The following ARK2C variants were observed in gnomAD, a reference collection of about 807,000 sequenced individuals.
ARK2C encodes the protein arkadia (RNF111) C-terminal like ring finger ubiquitin ligase 2C.
At chr18:46,415,540 A>C in the ARK2C span, among the ~76,000 whole-genome samples, 2 of 151,904 alleles carry the variant, frequency 1.3e-5, no homozygotes, top group African/African-American at 4.8e-5. Flanking sequence ...AAAATAAAAA[A>C]AATAAAAAAA....
chr18:46,401,451 C>T, the ARK2C span, among the ~76,000 whole-genome samples: 2 of 152,142 alleles, frequency 1.3e-5, no homozygotes, highest in Non-Finnish European at 2.9e-5. Context: ...AGCTCTTCAA[C>T]AGATGCAAGA....
the ARK2C span, among the ~76,000 whole-genome samples, chr18:46,455,627 A>T: frequency 6.6e-6 from 1 of 152,258 alleles, no homozygotes; most frequent in Non-Finnish European, 1.5e-5. Flanking sequence ...ACCTGAGCTC[A>T]GGAGTTCAAG....
At chr18:46,431,510 C>T in the ARK2C span, among the ~76,000 whole-genome samples, 3 of 152,196 alleles carry the variant, frequency 2.0e-5, no homozygotes, top group Non-Finnish European at 4.4e-5. Flanking sequence ...CCCCCAGTTT[C>T]ACCCTGGGGC....
At chr18:46,346,032 C>A in the ARK2C span, among the ~76,000 whole-genome samples, 73 of 152,272 alleles carry the variant, frequency 4.8e-4, no homozygotes, top group African/African-American at 1.7e-3. Flanking sequence ...TGACTCAATG[C>A]CATTTGTAAG....
At chr18:46,403,676 G>A in the ARK2C span, among the ~76,000 whole-genome samples, 4 of 152,080 alleles carry the variant, frequency 2.6e-5, no homozygotes, top group Non-Finnish European at 4.4e-5. Context: ...TCAGGAGTTC[G>A]AGACCAGTCT....
the ARK2C span, chr18:46,459,916 A>C: frequency 6.6e-6 from 1 of 152,614 alleles, no homozygotes; most frequent in African/African-American, 2.4e-5. Flanking sequence ...CCCAGGGTTT[A>C]AGTTGGGCGT....
the ARK2C span, among the ~76,000 whole-genome samples, chr18:46,352,562 C>A: frequency 6.6e-6 from 1 of 152,160 alleles, no homozygotes; most frequent in Admixed American, 6.5e-5. Context: ...GACTCAGGTG[C>A]CTTCTCTCTT....
At chr18:46,341,429 CAGG>C in the ARK2C span, among the ~76,000 whole-genome samples, 2 of 151,768 alleles carry the variant, frequency 1.3e-5, no homozygotes, top group Middle Eastern at 3.4e-3. Context: ...GGCTGAGGGG[CAGG>C]AGGTCTTTGG....
the ARK2C span, among the ~76,000 whole-genome samples, chr18:46,410,945 G>A: frequency 9.2e-5 from 14 of 152,230 alleles, no homozygotes; most frequent in African/African-American, 2.2e-4. Context: ...ACCAGTGTGT[G>A]TCAGGTGCTG....
At chr18:46,339,825 G>T in the ARK2C span, among the ~76,000 whole-genome samples, 1 of 152,252 alleles carries the variant, frequency 6.6e-6, no homozygotes, top group Non-Finnish European at 1.5e-5. Context: ...GCCCTAATGT[G>T]CAAATGTCAG....
chr18:46,426,188 C>T, the ARK2C span, among the ~76,000 whole-genome samples: 1 of 152,192 alleles, frequency 6.6e-6, no homozygotes, highest in Non-Finnish European at 1.5e-5. Flanking sequence ...AGCTTCCTGA[C>T]TCCCTGGGCT....
the ARK2C span, among the ~76,000 whole-genome samples, chr18:46,381,837 A>AG: frequency 6.6e-6 from 1 of 151,726 alleles, no homozygotes; most frequent in Non-Finnish European, 1.5e-5. Context: ...TCTCAAAAAA[A>AG]AAAAGATGCT....
the ARK2C span, among the ~76,000 whole-genome samples, chr18:46,428,824 G>T: frequency 6.6e-6 from 1 of 152,074 alleles, no homozygotes; most frequent in Admixed American, 6.5e-5. Flanking sequence ...CTTTTAAAAG[G>T]TGACTACTAG....
At chr18:46,380,355 G>T in the ARK2C span, among the ~76,000 whole-genome samples, 6 of 152,348 alleles carry the variant, frequency 3.9e-5, no homozygotes, top group African/African-American at 1.4e-4. Context: ...GTGCGCAGGG[G>T]ACATCCAGCA....
chr18:46,371,706 G>C, the ARK2C span, among the ~76,000 whole-genome samples: 3 of 152,190 alleles, frequency 2.0e-5, no homozygotes, highest in African/African-American at 7.2e-5. Flanking sequence ...AGAAGCACTG[G>C]TGTTTCCCAG....
the ARK2C span, among the ~76,000 whole-genome samples, chr18:46,370,810 G>C: frequency 6.6e-6 from 1 of 152,178 alleles, no homozygotes; most frequent in African/African-American, 2.4e-5. Context: ...AGATTTGGGA[G>C]GCCAAGATCC....
chr18:46,456,506 T>A, the ARK2C span: 1 of 1,599,314 alleles, frequency 6.3e-7, no homozygotes, highest in Non-Finnish European at 8.6e-7. Flanking sequence ...TGACTCTCCC[T>A]CCTCTCTTCC....
chr18:46,447,335 A>G, the ARK2C span: 1 of 468,978 alleles, frequency 2.1e-6, no homozygotes, highest in Non-Finnish European at 3.8e-6. Flanking sequence ...GAAATTTCAT[A>G]GAGCCTGGAT....
the ARK2C span, among the ~76,000 whole-genome samples, chr18:46,422,993 C>A: frequency 6.6e-6 from 1 of 152,218 alleles, no homozygotes; most frequent in Non-Finnish European, 1.5e-5. Context: ...TTCCTAGTGT[C>A]AGATTACTCA....
Sources: gnomAD v4.1 joint callset for allele counts (sites outside exome capture counted in the v4.1 genomes callset) on GRCh38, gnomAD v4.1.1 for gene constraint, MANE v1.5 for transcripts, NCBI Gene and HGNC (gene_info 2026-07-23, HGNC 2026-07-21) for gene names.